The following DGKB variants were observed in gnomAD, a reference collection of about 807,000 sequenced individuals.
DGKB encodes the protein diacylglycerol kinase beta.
Under a neutral mutation model 114.3 loss-of-function variants are expected in DGKB, and 67 were observed. That is an observed-to-expected ratio of 0.59 (90% CI 0.48 to 0.72). DGKB has a LOEUF of 0.72. Among genes scored for constraint, DGKB ranks in the 30% least tolerant of loss-of-function variants. The pLI, the probability that DGKB is intolerant of heterozygous loss-of-function variation, is 0.00. For synonymous variants in DGKB, 398 were observed against 323.1 expected (o/e 1.23, Z -2.49); for missense variants, 907 against 975.2 (o/e 0.93, Z 0.93).
At chr7:14,377,742 G>C (rs1818737477) in intron 21 of DGKB, among the ~76,000 whole-genome samples, 1 of 152,122 alleles carries the variant, frequency 6.6e-6, no homozygotes, top group African/African-American at 2.4e-5. Flanking sequence ...TCACCATGTA[G>C]CTTACTTTGG....
intron 6 of DGKB, among the ~76,000 whole-genome samples, chr7:14,709,846 T>C (rs1827031390): frequency 6.9e-6 from 1 of 145,584 alleles, no homozygotes; most frequent in African/African-American, 2.5e-5. Flanking sequence ...GGGATAGCAT[T>C]GGGAGATATA....
intron 2 of DGKB, among the ~76,000 whole-genome samples, chr7:14,769,484 ATTT>A (rs1186483480): frequency 6.6e-6 from 1 of 151,016 alleles, no homozygotes; most frequent in African/African-American, 2.4e-5. Context: ...TGATATTGGG[ATTT>A]TTTTTTAACA....
intron 23 of DGKB, among the ~76,000 whole-genome samples, chr7:14,287,196 G>T (rs1004529445): frequency 3.9e-5 from 6 of 151,988 alleles, no homozygotes; most frequent in African/African-American, 1.4e-4. Context: ...CAACATAACA[G>T]AATAAAATTT....
At position 14,188,543 on chromosome 7, in the gene DGKB, C is replaced by T. The variant is rs956757719; in HGVS notation, c.2123-10392G>A. Among the ~76,000 whole-genome samples the T allele has an allele frequency of 1.6e-4, 23 of 144,082 alleles. 2 individuals are homozygous for T. Among genetic ancestry groups the T allele is most frequent in the Non-Finnish European group, 3.0e-4 (20 of 65,638 alleles). The allele number at this position is 144,082 out of a possible 152,430, so 94.5% of individuals were successfully genotyped here. On this transcript the variant is annotated intron_variant, in intron 23 of 25. Transcript: ENST00000402815. ...GGCGTGGTGGCGGGCGCCTGTAGTC[C>T]CAGCTACTTGGGAGGCTGAGGCAGG...
At chr7:14,515,708 G>C (rs10231750) in intron 20 of DGKB, among the ~76,000 whole-genome samples, 52,497 of 152,008 alleles carry the variant, frequency 0.35, 9,719 homozygotes, top group Admixed American at 0.45. Flanking sequence ...TCTAGAAATA[G>C]AACCTTCATC....
At chr7:14,216,354 G>A (rs1444545854) in intron 23 of DGKB, among the ~76,000 whole-genome samples, 1 of 152,046 alleles carries the variant, frequency 6.6e-6, no homozygotes, top group African/African-American at 2.4e-5. Context: ...CTAGTGTACT[G>A]TTATATGTCA....
chr7:14,586,517 G>T (rs1191058821), intron 17 of DGKB, among the ~76,000 whole-genome samples: 1 of 152,132 alleles, frequency 6.6e-6, no homozygotes, highest in African/African-American at 2.4e-5. Flanking sequence ...ATTGATAAAG[G>T]TGGTACGCTA....
chr7:14,452,593 T>C (rs983725261), intron 21 of DGKB, among the ~76,000 whole-genome samples: 2 of 151,800 alleles, frequency 1.3e-5, no homozygotes, highest in Non-Finnish European at 1.5e-5. Flanking sequence ...TTAATAAGAG[T>C]CACCTGAATG....
chr7:14,738,425 T>C (rs764686665), intron 4 of DGKB, among the ~76,000 whole-genome samples: 2 of 152,218 alleles, frequency 1.3e-5, no homozygotes, highest in Non-Finnish European at 2.9e-5. Context: ...CTGGATCAAC[T>C]CTTGAATCCA....
At chr7:14,832,690 T>C (rs567359138) in intron 2 of DGKB, among the ~76,000 whole-genome samples, 2 of 152,110 alleles carry the variant, frequency 1.3e-5, no homozygotes, top group South Asian at 4.1e-4. Context: ...GGTTACAATT[T>C]CTCAGTTGTT....
chr7:14,734,896 T>C (rs1199105242), intron 5 of DGKB, among the ~76,000 whole-genome samples: 2 of 151,996 alleles, frequency 1.3e-5, no homozygotes, highest in Non-Finnish European at 2.9e-5. Flanking sequence ...AGTGGATTCC[T>C]GTTCTATCCA....
At chr7:14,582,163 A>G (rs1800026177) in intron 18 of DGKB, among the ~76,000 whole-genome samples, 1 of 152,192 alleles carries the variant, frequency 6.6e-6, no homozygotes, top group African/African-American at 2.4e-5. Flanking sequence ...GGCCTGTTTT[A>G]AACAAAGAAT....
intron 16 of DGKB, among the ~76,000 whole-genome samples, chr7:14,610,972 T>C (rs990820433): frequency 1.3e-5 from 2 of 152,112 alleles, no homozygotes; most frequent in East Asian, 1.9e-4. Flanking sequence ...AATTAAGACA[T>C]CTTCACAATT....
At chr7:14,224,240 C>A (rs575832730) in intron 23 of DGKB, among the ~76,000 whole-genome samples, 50 of 151,894 alleles carry the variant, frequency 3.3e-4, no homozygotes, top group African/African-American at 1.2e-3. Flanking sequence ...CTTTACTGAT[C>A]AATTTTCAAG....
In DGKB at chr7:14,776,056, C is replaced by T. The variant is rs562306198; in HGVS notation, c.71-18325G>A. On this transcript the variant is annotated intron_variant, in intron 2 of 25. Transcript: ENST00000402815. The stretch of plus-strand genomic sequence containing the variant: ...AAGTCCAAGCTGAGGTGGTCTCAGA[C>T]GGAGATGAGGAACTGTTGGGAACTG... Among the ~76,000 whole-genome samples, 44 of 152,060 alleles carry T rather than the reference C, an allele frequency of 2.9e-4. 1 individual carries two copies. The South Asian group carries it at 3.1e-3, about 11-fold the overall frequency.
chr7:14,910,250 GAAAGAAAGAAAGAAAGAAAGA>G (rs1562868921), intron 1 of DGKB, among the ~76,000 whole-genome samples: 1 of 9,312 alleles, frequency 1.1e-4, no homozygotes, highest in Non-Finnish European at 2.1e-4. Context: ...AAAAAAGAAA[GAAAGAAAGAAAGAAAGAAAGA>G]AAGAAAGAAA....
At chr7:14,879,204 T>A (rs1018988450) in intron 1 of DGKB, among the ~76,000 whole-genome samples, 1 of 151,944 alleles carries the variant, frequency 6.6e-6, no homozygotes. Flanking sequence ...TAATCTACTT[T>A]AGTGTATTTC....
At chr7:14,293,024 G>C (rs948232283) in intron 23 of DGKB, among the ~76,000 whole-genome samples, 1 of 152,116 alleles carries the variant, frequency 6.6e-6, no homozygotes, top group Non-Finnish European at 1.5e-5. Context: ...GGATGAGAGA[G>C]AGAAAGAGGG....
chr7:14,496,386 ATGGC>A (rs1323984190), intron 20 of DGKB, among the ~76,000 whole-genome samples: 2 of 151,768 alleles, frequency 1.3e-5, no homozygotes, highest in Admixed American at 1.3e-4. Flanking sequence ...TCAGTTACAA[ATGGC>A]TATGCTTTAC....
Sources: gnomAD v4.1 joint callset for allele counts (sites outside exome capture counted in the v4.1 genomes callset) on GRCh38, gnomAD v4.1.1 for gene constraint, MANE v1.5 for transcripts, NCBI Gene and HGNC (gene_info 2026-07-23, HGNC 2026-07-21) for gene names.